The following POFUT2 variants were observed in gnomAD, a reference collection of about 807,000 sequenced individuals.
The protein encoded by POFUT2 is protein O-fucosyltransferase 2.
Under a neutral mutation model 55.0 loss-of-function variants are expected in POFUT2, and 30 were observed. The ratio of observed to expected loss-of-function variants is 0.55; its 90% CI spans 0.41 to 0.74. POFUT2 has a LOEUF of 0.74. POFUT2 is among the 30% of genes least tolerant of loss of function. POFUT2 has a pLI of 0.00. For synonymous variants in POFUT2, 267 were observed against 231.1 expected (o/e 1.16, Z -1.41); for missense variants, 524 against 562.6 (o/e 0.93, Z 0.69).
rs75611516 is a variant in POFUT2 at position 45,275,285 on chromosome 21, G to C, written c.831+1732C>G. On this transcript the variant is annotated intron_variant, in intron 6 of 8. Coordinates refer to ENST00000349485, the MANE Select transcript of POFUT2 (RefSeq NM_133635.6). The stretch of plus-strand genomic sequence containing the variant: ...ACCCAAAAATAATGGATGTCGGCAC[G>C]GATGCAGTGAAAGGGATACTGCGAC... 1.6e-3 allele frequency among the ~76,000 whole-genome samples: 245 copies of C among 152,302 alleles called. 1 individual carries two copies. The highest frequency in any genetic ancestry group is 5.3e-3 in the African/African-American group (220 of 41,558).
At chr21:45,287,624 G>T in intron 1 of POFUT2, 117 bp downstream of exon 1, 1 of 1,017,146 alleles carries the variant, frequency 9.8e-7, no homozygotes, top group Non-Finnish European at 1.3e-6. Context: ...CATCCCGTGG[G>T]CCTGCCCCTG....
In POFUT2 at chr21:45,274,687, G is replaced by T. The variant is rs573748395; in HGVS notation, c.831+2330C>A. On this transcript the variant is annotated intron_variant, in intron 6 of 8. Coordinates refer to ENST00000349485, the MANE Select transcript of POFUT2 (RefSeq NM_133635.6). ...TTACAGCCAACTGATCTTCGACAAA[G>T]CAAACAAAAACATAAAGTGGGGAAA... 1.5e-3 allele frequency among the ~76,000 whole-genome samples: 231 copies of T among 152,268 alleles called. 1 individual carries two copies. The highest frequency in any genetic ancestry group is 5.3e-3 in the African/African-American group (221 of 41,552).
rs2093170752 is a variant in POFUT2 at position 45,267,807 on chromosome 21, T to C, written c.1013-94A>G. The C allele has an allele frequency of 8.7e-7, 1 of 1,143,906 alleles. No individual in the cohort carries two copies. The highest frequency in any genetic ancestry group is 2.0e-5 in the Admixed American group (1 of 50,802). The allele number at this position is 1,143,906 out of a possible 1,614,324, so 70.9% of individuals were successfully genotyped here. Reference sequence around the variant, plus strand: ...CAGACAGACATGCGTACTTGGCTTCTGGTTAATTCGTTAGGAACTGGCTCC... The same window carrying C: ...CAGACAGACATGCGTACTTGGCTTCCGGTTAATTCGTTAGGAACTGGCTCC... On this transcript the variant is annotated intron_variant, in intron 7 of 8. Transcript: ENST00000349485. The surrounding 1 kb of genome is among the most constrained non-coding windows in gnomAD (Gnocchi z 4.4).
Position 45,278,169 on chromosome 21 carries a change from C to T in POFUT2, c.639G>A (p.Arg213=). ...APLLLRNTSA[R]SVMLDRAENL... ...TCTCGGCTCTGTCTAACATCACGGA[C>T]CTGTTTTTAAACAACAGAAGAATAA... Residue 213 remains arginine, a splice_region_variant and synonymous_variant, in exon 5 of 9, where the codon CGG becomes CGA. Coordinates refer to ENST00000349485, the MANE Select transcript of POFUT2 (RefSeq NM_133635.6). 6.2e-7 allele frequency: 1 copy of T among 1,611,016 alleles called. No individual in the cohort carries two copies. Among genetic ancestry groups the T allele is most frequent in the Non-Finnish European group, 8.5e-7 (1 of 1,177,250 alleles).
rs567335971 is a variant in POFUT2, at chr21:45,284,450, C to T, written c.383-923G>A. On this transcript the variant is annotated intron_variant, in intron 2 of 8. Transcript: ENST00000349485. This position sits in a 1 kb window ranked among gnomAD's most constrained non-coding sequence, Gnocchi z 5.8. ...ACCGTGTGCAGTCTCTTGGCAGCCTCGCCCTAGGACAGGCACCCAGTTCCT... is the reference window on the plus strand; with the variant it reads ...ACCGTGTGCAGTCTCTTGGCAGCCTTGCCCTAGGACAGGCACCCAGTTCCT... Among the ~76,000 whole-genome samples the T allele has an allele frequency of 1.5e-3, 232 of 152,320 alleles. 1 individual carries two copies. Among genetic ancestry groups the T allele is most frequent in the Middle Eastern group, 3.4e-3 (1 of 294 alleles).
chr21:45,265,539 G>A lies in POFUT2; in HGVS notation c.1233C>T (p.Phe411=). The A allele has an allele frequency of 6.2e-7, 1 of 1,614,180 alleles. No homozygotes were observed. Among genetic ancestry groups the A allele is most frequent in the African/African-American group, 1.3e-5 (1 of 75,056 alleles). The change falls in exon 9 of 9, where the codon TTC becomes TTT. Residue 411 remains phenylalanine (F), a synonymous_variant. Transcript: ENST00000349485. The surrounding 1 kb of genome is among the most constrained non-coding windows in gnomAD (Gnocchi z 4.6). The stretch of plus-strand genomic sequence containing the variant: ...CACACGCCTTCTCTTGGTCTCCGCA[G>A]AACCTGTTGTACGTCGTCTTGGGGT... ...GLDPKTTYNR[F]CGDQEKACEQ...
Position 45,277,963 on chromosome 21 carries a change from A to G in POFUT2, c.705+140T>C. ...GGCTTGGGGGTGGCACAGTCACCGC[A>G]GTTGCCCAAATCCATGGCTTAAAAT... On this transcript the variant is annotated intron_variant, in intron 5 of 8. Transcript: ENST00000349485. The surrounding 1 kb of genome is among the most constrained non-coding windows in gnomAD (Gnocchi z 6.9). 1 of 792,042 alleles carries G rather than the reference A, an allele frequency of 1.3e-6. No individual in the cohort carries two copies. The highest frequency in any genetic ancestry group is 2.2e-6 in the Non-Finnish European group (1 of 459,848). The allele number at this position is 792,042 out of a possible 1,614,324, so 49.1% of individuals were successfully genotyped here.
chr21:45,273,521 C>T (rs1602178102), intron 6 of POFUT2, among the ~76,000 whole-genome samples: 1 of 152,072 alleles, frequency 6.6e-6, no homozygotes, highest in Non-Finnish European at 1.5e-5. Context: ...CTCCATAAAT[C>T]AACAGACCAA....
At position 45,277,022 on chromosome 21, in the gene POFUT2, T is replaced by C; in HGVS notation, c.826A>G (p.Met276Val). 6.2e-7 allele frequency: 1 copy of C among 1,613,994 alleles called. No homozygotes were observed. The highest frequency in any genetic ancestry group is 8.5e-7 in the Non-Finnish European group (1 of 1,179,894). The part of the protein sequence containing the change: ...RIPFQEDWMK[M>V]KVKLGSALGG... Reference sequence around the variant, plus strand: ...ACAAAAGGGAGGGGGGCTACCTTCATCTTCATCCAGTCCTCCTGGAAGGGG... The same window carrying C: ...ACAAAAGGGAGGGGGGCTACCTTCACCTTCATCCAGTCCTCCTGGAAGGGG... Residue 276 changes from methionine (M) to valine (V), a missense_variant, in exon 6 of 9, where the codon ATG (methionine) becomes GTG (valine). Met to Val is a conservative substitution (Grantham distance 21). Coordinates refer to ENST00000349485, the MANE Select transcript of POFUT2 (RefSeq NM_133635.6). This position sits in a 1 kb window ranked among gnomAD's most constrained non-coding sequence, Gnocchi z 6.9.
At chr21:45,278,724 C>T (rs146375126) in intron 4 of POFUT2, among the ~76,000 whole-genome samples, 10 of 152,340 alleles carry the variant, frequency 6.6e-5, no homozygotes, top group Non-Finnish European at 1.0e-4. Context: ...CACGGGCACA[C>T]GACTGAAGCA....
rs901965010 is a variant in POFUT2, at chr21:45,265,298, G to A, written c.*184C>T. Reference sequence around the variant, plus strand: ...GCGGAGCCTCTTCATCAGCCATGGCGGCTGGCAACGCCGAGGACGGAGCCC... The same window carrying A: ...GCGGAGCCTCTTCATCAGCCATGGCAGCTGGCAACGCCGAGGACGGAGCCC... On this transcript the variant is annotated 3_prime_UTR_variant, in exon 9 of 9. Transcript: ENST00000349485. The surrounding 1 kb of genome is among the most constrained non-coding windows in gnomAD (Gnocchi z 4.6). 5.5e-5 allele frequency: 25 copies of A among 452,134 alleles called. No homozygotes were observed. The highest frequency in any genetic ancestry group is 8.8e-5 in the Non-Finnish European group (23 of 260,570). The allele number at this position is 452,134 out of a possible 1,614,324, so 28.0% of individuals were successfully genotyped here.
chr21:45,283,046 C>T (rs2030887352), intron 3 of POFUT2: 1 of 400,620 alleles, frequency 2.5e-6, no homozygotes. Flanking sequence ...AGGGGAACCG[C>T]CTGTCAAGGA....
At position 45,282,792 on chromosome 21, in the gene POFUT2, C is replaced by T. The variant is rs1344602853; in HGVS notation, c.528-333G>A. ...GTCAGCCAAGTCAACCGCGCCCTTCCCAAGAGCTCACCTGCCATGCTTTAG... is the reference window on the plus strand; with the variant it reads ...GTCAGCCAAGTCAACCGCGCCCTTCTCAAGAGCTCACCTGCCATGCTTTAG... On this transcript the variant is annotated intron_variant, in intron 3 of 8. Coordinates refer to ENST00000349485, the MANE Select transcript of POFUT2 (RefSeq NM_133635.6). The surrounding 1 kb of genome is among the most constrained non-coding windows in gnomAD (Gnocchi z 4.6). 2.0e-6 allele frequency: 1 copy of T among 501,350 alleles called. No individual in the cohort carries two copies. Among genetic ancestry groups the T allele is most frequent in the African/African-American group, 1.9e-5 (1 of 51,498 alleles). 31.1% of individuals were successfully genotyped at this position (501,350 alleles called of 1,614,324 possible). A position where few individuals can be genotyped will look rare whatever the true frequency, so the allele number is the denominator to read the frequency against.
chr21:45,266,376 C>A, intron 8 of POFUT2: 1 of 1,259,362 alleles, frequency 7.9e-7, no homozygotes, highest in Non-Finnish European at 1.0e-6. Context: ...CCACCCCACA[C>A]ACAGGGGCCT....
intron 6 of POFUT2, among the ~76,000 whole-genome samples, chr21:45,272,122 A>G (rs1463676590): frequency 6.6e-6 from 1 of 152,202 alleles, no homozygotes; most frequent in African/African-American, 2.4e-5. Flanking sequence ...CAGAATGGAA[A>G]AAAATCCACC....
Position 45,267,279 on chromosome 21 carries a change from CAG to C in POFUT2, c.1136+309_1136+310del, listed in dbSNP as rs375530874. 3.4e-4 allele frequency: 491 copies of C among 1,446,114 alleles called. 2 individuals carry two copies. The highest frequency in any genetic ancestry group is 2.9e-3 in the East Asian group (117 of 40,242). The allele number at this position is 1,446,114 out of a possible 1,614,324, so 89.6% of individuals were successfully genotyped here. ...GGCAACTCTCAGGGCAGGGGGCAGA[CAG>C]GGGCAGAAACCGGGAATGATGGGAA... On this transcript the variant is annotated intron_variant, in intron 8 of 8. Transcript: ENST00000349485. This position sits in a 1 kb window ranked among gnomAD's most constrained non-coding sequence, Gnocchi z 4.4.
At position 45,272,568 on chromosome 21, in the gene POFUT2, C is replaced by T. The variant is rs531537917; in HGVS notation, c.832-2549G>A. Among the ~76,000 whole-genome samples, 28 of 152,262 alleles carry T rather than the reference C, an allele frequency of 1.8e-4. No homozygotes were observed. The South Asian group carries it at 4.8e-3, about 26-fold the overall frequency. On this transcript the variant is annotated intron_variant, in intron 6 of 8. Coordinates refer to ENST00000349485, the MANE Select transcript of POFUT2 (RefSeq NM_133635.6). ...TGGAACAAGTGGACTAAAATATTTA[C>T]AGAACATTCTACGCAACAGCTGCAG...
At chr21:45,266,465 G>C (rs757925356) in intron 8 of POFUT2, 2 of 1,145,874 alleles carry the variant, frequency 1.7e-6, no homozygotes, top group Non-Finnish European at 2.2e-6. Context: ...CTGAGGGCAG[G>C]AGGCTGAGAG....
At chr21:45,286,293 G>A (rs951878729) in intron 1 of POFUT2, among the ~76,000 whole-genome samples, 13 of 152,120 alleles carry the variant, frequency 8.5e-5, no homozygotes, top group Non-Finnish European at 4.4e-5. Context: ...CTATTGATAC[G>A]TCCTATGTTA....
Sources: gnomAD v4.1 joint callset for allele counts (sites outside exome capture counted in the v4.1 genomes callset) on GRCh38, gnomAD v4.1.1 for gene constraint, Gnocchi (gnomAD v3.1) non-coding constraint, MANE v1.5 for transcripts, NCBI Gene and HGNC (gene_info 2026-07-23, HGNC 2026-07-21) for gene names.